The following TMOD3 variants were observed in gnomAD, a reference collection of about 807,000 sequenced individuals.
The protein encoded by TMOD3 is tropomodulin-3.
A neutral mutation model predicts 39.2 loss-of-function variants in TMOD3; 20 were observed. That is an observed-to-expected ratio of 0.51 (90% CI 0.36 to 0.74). The LOEUF is 0.74. Ranked by LOEUF, TMOD3 falls within the 30% of genes least tolerant of loss-of-function variation. TMOD3 has a pLI of 0.00. For synonymous variants in TMOD3, 143 were observed against 145.8 expected, an observed-to-expected ratio of 0.98 and a Z score of 0.14; for missense variants, 381 against 412.8, an observed-to-expected ratio of 0.92 and a Z score of 0.67.
intron 1 of TMOD3, among the ~76,000 whole-genome samples, chr15:51,836,728 AAAAAAAAAG>A (rs201037748): frequency 0.077 from 8,851 of 115,450 alleles, 594 homozygotes; most frequent in African/African-American, 0.17. Context: ...CGTCTCAAAA[AAAAAAAAAG>A]AAAAAAGAAA....
Position 51,874,863 on chromosome 15 carries a change from C to T in TMOD3, c.283+5490C>T, listed in dbSNP as rs577941855. On this transcript the variant is annotated intron_variant, in intron 3 of 9. Transcript: ENST00000308580. ...ATTCTGTTTGAGCTGCTGACTCACC[C>T]GGTATGGGCTCCTCCCTGCCTTGCA... Among the ~76,000 whole-genome samples, 5 of 152,298 alleles carry T rather than the reference C, an allele frequency of 3.3e-5. No homozygotes were observed. The East Asian group carries it at 9.6e-4, about 29-fold the overall frequency.
intron 1 of TMOD3, among the ~76,000 whole-genome samples, chr15:51,843,667 C>T (rs952314846): frequency 5.9e-5 from 9 of 152,034 alleles, no homozygotes; most frequent in African/African-American, 2.2e-4. Flanking sequence ...GGGCAGGGCT[C>T]AGAGACATAG....
intron 5 of TMOD3, among the ~76,000 whole-genome samples, chr15:51,891,444 A>G (rs2056592999): frequency 6.6e-6 from 1 of 152,096 alleles, no homozygotes. Flanking sequence ...AGAATGCTTC[A>G]TGGGTGGTGA....
chr15:51,833,818 C>T (rs1483712543), intron 1 of TMOD3, among the ~76,000 whole-genome samples: 6 of 152,062 alleles, frequency 3.9e-5, no homozygotes, highest in African/African-American at 1.4e-4. Flanking sequence ...TGATAAATAC[C>T]TAGGAGCAGA....
intron 3 of TMOD3, among the ~76,000 whole-genome samples, chr15:51,874,768 CCT>C (rs2056493184): frequency 6.6e-6 from 1 of 151,874 alleles, no homozygotes; most frequent in Admixed American, 6.6e-5. Flanking sequence ...ATTTTTTTTC[CCT>C]GTGTTATTTC....
intron 3 of TMOD3, among the ~76,000 whole-genome samples, chr15:51,885,300 T>TTTTTTTTTTG (rs1248101316): frequency 2.0e-5 from 3 of 150,548 alleles, no homozygotes; most frequent in East Asian, 3.9e-4. Context: ...TTTTTTTTTT[T>TTTTTTTTTTG]TTAGTATTTA....
At chr15:51,871,637 C>T (rs561816289) in intron 3 of TMOD3, among the ~76,000 whole-genome samples, 2 of 152,006 alleles carry the variant, frequency 1.3e-5, no homozygotes, top group Non-Finnish European at 2.9e-5. Context: ...AGGAAAATAT[C>T]TTGGAGGATT....
chr15:51,880,383 A>G (rs1288592813), intron 3 of TMOD3, among the ~76,000 whole-genome samples: 1 of 152,112 alleles, frequency 6.6e-6, no homozygotes, highest in African/African-American at 2.4e-5. Context: ...ATATAATTCA[A>G]TATTCATTAC....
At chr15:51,844,614 A>G (rs911150436) in intron 1 of TMOD3, among the ~76,000 whole-genome samples, 5 of 152,238 alleles carry the variant, frequency 3.3e-5, no homozygotes, top group Admixed American at 6.5e-5. Flanking sequence ...AGAGGAAAGG[A>G]AATAAAGACC....
chr15:51,859,811 C>A, intron 1 of TMOD3: 1 of 511,922 alleles, frequency 2.0e-6, no homozygotes, highest in South Asian at 1.6e-5. Context: ...ACTGCCACCT[C>A]TAGAGCTTTC....
chr15:51,862,385 T>G (rs543007828), intron 1 of TMOD3, among the ~76,000 whole-genome samples: 1 of 152,312 alleles, frequency 6.6e-6, no homozygotes, highest in African/African-American at 2.4e-5. Context: ...TATCCCCCCA[T>G]ATTAATACTG....
chr15:51,844,525 G>C (rs1442781046), intron 1 of TMOD3, among the ~76,000 whole-genome samples: 1 of 151,940 alleles, frequency 6.6e-6, no homozygotes, highest in East Asian at 1.9e-4. Context: ...TTTCAGTACT[G>C]TTCTCCTCTT....
chr15:51,893,945 G>T lies in TMOD3; in HGVS notation c.627G>T (p.Lys209Asn). 1 of 1,598,876 alleles carries T rather than the reference G, an allele frequency of 6.3e-7. No individual in the cohort carries two copies. The highest frequency in any genetic ancestry group is 1.1e-5 in the South Asian group (1 of 89,178). The change falls in exon 6 of 10, where the codon AAG becomes AAT. Residue 209 changes from lysine to asparagine, a missense_variant and splice_region_variant. Coordinates refer to ENST00000308580, the MANE Select transcript of TMOD3 (RefSeq NM_014547.5). The part of the protein sequence containing the change: ...HLVEVNLNNI[K>N]NIPIPTLKDF... The stretch of plus-strand genomic sequence containing the variant: ...TTGAAGTTAATTTGAATAATATAAA[G>T]GTAAGTGTGCTAATCAGAGTGGTTT...
chr15:51,900,476 T>C (rs2056644673), intron 8 of TMOD3, among the ~76,000 whole-genome samples, 178 bp downstream of exon 8: 1 of 152,136 alleles, frequency 6.6e-6, no homozygotes, highest in South Asian at 2.1e-4. Flanking sequence ...TATATAACAG[T>C]GTATACAATG....
At chr15:51,893,782 A>G (rs768973580) in intron 5 of TMOD3, 33 bp from the exon 6 acceptor site, 50 of 1,459,880 alleles carry the variant, frequency 3.4e-5, no homozygotes, top group Middle Eastern at 1.8e-4. Flanking sequence ...AAAAAATGGT[A>G]TCAAATCCTG....
At chr15:51,902,224 A>G (rs562830439) in intron 9 of TMOD3, among the ~76,000 whole-genome samples, 188 bp downstream of exon 9, 5 of 152,310 alleles carry the variant, frequency 3.3e-5, no homozygotes, top group South Asian at 2.1e-4. Flanking sequence ...GATTGGGTCA[A>G]TGGGTAAAAT....
chr15:51,898,965 G>A (rs1194861019), intron 7 of TMOD3: 1 of 152,016 alleles, frequency 6.6e-6, no homozygotes, highest in African/African-American at 2.4e-5. Context: ...GTCTAACACT[G>A]TACTGTATCC....
intron 1 of TMOD3, among the ~76,000 whole-genome samples, chr15:51,840,873 C>A (rs749589980): frequency 6.6e-6 from 1 of 152,148 alleles, no homozygotes; most frequent in Non-Finnish European, 1.5e-5. Flanking sequence ...CTTTTATCTC[C>A]AGCTGTGGCT....
chr15:51,866,013 C>T (rs1416152913), intron 2 of TMOD3, among the ~76,000 whole-genome samples: 1 of 152,046 alleles, frequency 6.6e-6, no homozygotes, highest in Non-Finnish European at 1.5e-5. Context: ...AGAAACGTGT[C>T]ATTTTTAGTG....
Sources: gnomAD v4.1 joint callset for allele counts (sites outside exome capture counted in the v4.1 genomes callset) on GRCh38, gnomAD v4.1.1 for gene constraint, MANE v1.5 for transcripts, NCBI Gene and HGNC (gene_info 2026-07-23, HGNC 2026-07-21) for gene names.